The following EVA1C variants were observed in gnomAD, a reference collection of about 807,000 sequenced individuals.
EVA1C encodes eva-1 homolog C.
In EVA1C, 25 loss-of-function variants were observed where a neutral mutation model predicts 45.4. The ratio of observed to expected loss-of-function variants is 0.55; its 90% CI spans 0.40 to 0.77. The LOEUF (loss-of-function observed/expected upper bound fraction) is 0.77. Among genes scored for constraint, EVA1C ranks in the 30% least tolerant of loss-of-function variants. The pLI, the probability that EVA1C is intolerant of heterozygous loss-of-function variation, is 0.00. For missense variants in EVA1C, 479 were observed against 554.8 expected (o/e 0.86, Z 1.37); for synonymous variants, 190 against 221.2 (o/e 0.86, Z 1.25).
chr21:32,454,085 C>T (rs186896421), intron 2 of EVA1C, among the ~76,000 whole-genome samples: 144 of 152,170 alleles, frequency 9.5e-4, no homozygotes, highest in African/African-American at 2.7e-3. Flanking sequence ...AAAAATTAGC[C>T]GGGCATGGTG....
chr21:32,511,351 G>A (rs1265295077), intron 7 of EVA1C, among the ~76,000 whole-genome samples: 9 of 145,822 alleles, frequency 6.2e-5, no homozygotes, highest in African/African-American at 1.3e-4. Context: ...GGTGGGGGGC[G>A]GAGGTTGCAG....
chr21:32,444,053 AACACAC>A (rs60086580), intron 1 of EVA1C, among the ~76,000 whole-genome samples: 11,635 of 139,954 alleles, frequency 0.083, 492 homozygotes, highest in African/African-American at 0.088. Flanking sequence ...ATTGTGTGAA[AACACAC>A]ACACACACAC....
intron 1 of EVA1C, among the ~76,000 whole-genome samples, chr21:32,451,713 G>A (rs941094790): frequency 1.3e-5 from 2 of 152,156 alleles, no homozygotes; most frequent in African/African-American, 4.8e-5. Context: ...GGTGGTGGCC[G>A]GCAACGCTCG....
At chr21:32,448,977 A>G (rs903371362) in intron 1 of EVA1C, among the ~76,000 whole-genome samples, 7 of 151,364 alleles carry the variant, frequency 4.6e-5, no homozygotes, top group African/African-American at 1.7e-4. Context: ...AAAAGAAAGA[A>G]AGAAAGAGAG....
Position 32,468,639 on chromosome 21 carries a change from A to C in EVA1C, c.634+791A>C, listed in dbSNP as rs567061175. Among the ~76,000 whole-genome samples, 93 of 152,282 alleles carry C rather than the reference A, an allele frequency of 6.1e-4. 1 individual carries two copies. In the South Asian group the frequency reaches 7.0e-3, roughly 12 times the overall value. ...AACTTGGAGTCTGATGTTCAGGGGC[A>C]GGAAGCATCCAGCACGGGAGAAAGA... is the stretch of plus-strand genomic sequence containing the variant. On this transcript the variant is annotated intron_variant, in intron 4 of 7. Transcript: ENST00000300255.
intron 4 of EVA1C, among the ~76,000 whole-genome samples, chr21:32,476,504 G>C (rs1051291148): frequency 6.6e-6 from 1 of 152,066 alleles, no homozygotes; most frequent in Non-Finnish European, 1.5e-5. Flanking sequence ...AACCACATGT[G>C]GTGGCGCATG....
chr21:32,507,701 T>C (rs2037786748), intron 7 of EVA1C, among the ~76,000 whole-genome samples: 1 of 152,096 alleles, frequency 6.6e-6, no homozygotes, highest in Non-Finnish European at 1.5e-5. Flanking sequence ...TGCATGCGTA[T>C]GTGCACGTGT....
At chr21:32,457,418 G>A (rs1447235670) in intron 2 of EVA1C, among the ~76,000 whole-genome samples, 179 bp from the exon 3 acceptor site, 1 of 152,190 alleles carries the variant, frequency 6.6e-6, no homozygotes, top group African/African-American at 2.4e-5. Context: ...TCAGGAGAAA[G>A]AGCAGGGAGA....
chr21:32,416,441 G>A (rs1375089671), intron 1 of EVA1C, among the ~76,000 whole-genome samples: 2 of 149,702 alleles, frequency 1.3e-5, no homozygotes, highest in Non-Finnish European at 1.5e-5. Flanking sequence ...CAACTCTCCT[G>A]CCTCAGCCTC....
chr21:32,413,282 G>A (rs1004328722), intron 1 of EVA1C, among the ~76,000 whole-genome samples: 13 of 152,238 alleles, frequency 8.5e-5, no homozygotes, highest in South Asian at 2.1e-4. Flanking sequence ...TAGCATTAGG[G>A]ACCTGGTCCT....
intron 1 of EVA1C, among the ~76,000 whole-genome samples, chr21:32,419,896 G>T (rs1662238035): frequency 6.6e-6 from 1 of 152,100 alleles, no homozygotes; most frequent in Non-Finnish European, 1.5e-5. Flanking sequence ...GTAAGGAAAT[G>T]GTTTCTCATA....
At chr21:32,420,654 A>G (rs1010052375) in intron 1 of EVA1C, among the ~76,000 whole-genome samples, 5 of 152,250 alleles carry the variant, frequency 3.3e-5, no homozygotes, top group East Asian at 3.9e-4. Context: ...CTGGCCTCCC[A>G]AAGTGCTGGG....
chr21:32,436,860 T>C (rs746634891), intron 1 of EVA1C, among the ~76,000 whole-genome samples: 1 of 152,148 alleles, frequency 6.6e-6, no homozygotes, highest in Non-Finnish European at 1.5e-5. Context: ...TGGATTTTAC[T>C]GATAAAACAT....
intron 7 of EVA1C, among the ~76,000 whole-genome samples, chr21:32,509,060 G>C (rs748097462): frequency 1.3e-5 from 2 of 152,240 alleles, no homozygotes; most frequent in Non-Finnish European, 2.9e-5. Context: ...AGTGATTCTA[G>C]AGAACAGTTG....
At chr21:32,448,393 A>G (rs1403700583) in intron 1 of EVA1C, among the ~76,000 whole-genome samples, 2 of 152,170 alleles carry the variant, frequency 1.3e-5, no homozygotes, top group African/African-American at 2.4e-5. Context: ...TTACATATCC[A>G]AAGTGGATAA....
intron 1 of EVA1C, among the ~76,000 whole-genome samples, chr21:32,413,673 C>G (rs567912504): frequency 5.5e-4 from 84 of 152,246 alleles, no homozygotes; most frequent in Non-Finnish European, 1.0e-3. Context: ...GATCCAGGCT[C>G]TCGCAGCGGA....
intron 1 of EVA1C, among the ~76,000 whole-genome samples, chr21:32,439,041 G>C (rs2035074031): frequency 6.6e-6 from 1 of 151,674 alleles, no homozygotes; most frequent in South Asian, 2.1e-4. Flanking sequence ...TTAGAGACCA[G>C]CCTGGCCAAC....
chr21:32,496,988 T>C (rs2037373793), intron 5 of EVA1C: 2 of 1,448,016 alleles, frequency 1.4e-6, no homozygotes, highest in Middle Eastern at 1.8e-4. Context: ...TATGGCCAAT[T>C]TGTGGTTGCT....
At chr21:32,511,044 CCT>C (rs887282061) in intron 7 of EVA1C, among the ~76,000 whole-genome samples, 3 of 104,668 alleles carry the variant, frequency 2.9e-5, no homozygotes, top group Non-Finnish European at 1.8e-5. Flanking sequence ...TCTCTCTCTC[CCT>C]CTCTCTCTCT....
Sources: gnomAD v4.1 joint callset for allele counts (sites outside exome capture counted in the v4.1 genomes callset) on GRCh38, gnomAD v4.1.1 for gene constraint, MANE v1.5 for transcripts, NCBI Gene and HGNC (gene_info 2026-07-23, HGNC 2026-07-21) for gene names.